RNF144A: variants seen among roughly 807,000 people sequenced by gnomAD.
RNF144A encodes the protein E3 ubiquitin-protein ligase RNF144A.
Under a neutral mutation model 38.7 loss-of-function variants are expected in RNF144A, and 11 were observed. That is an observed-to-expected ratio of 0.28 (90% CI 0.18 to 0.47). RNF144A has a LOEUF of 0.47. Ranked by LOEUF, RNF144A falls within the 20% of genes least tolerant of loss-of-function variation. The pLI is 0.99. For synonymous variants in RNF144A, 149 were observed against 143.9 expected, an observed-to-expected ratio of 1.04 and a Z score of -0.25; for missense variants, 316 against 377.2, an observed-to-expected ratio of 0.84 and a Z score of 1.34.
intron 7 of RNF144A, among the ~76,000 whole-genome samples, chr2:7,029,350 T>C (rs149590173): frequency 1.3e-5 from 2 of 152,290 alleles, no homozygotes; most frequent in Non-Finnish European, 2.9e-5. Context: ...GTCATTGAGA[T>C]CTGGGTGCCA....
chr2:7,046,268 C>A (rs532561290), downstream of RNF144A, among the ~76,000 whole-genome samples: 1 of 152,328 alleles, frequency 6.6e-6, no homozygotes, highest in South Asian at 2.1e-4. Context: ...TTGCTGCCCA[C>A]GACCTGGTGT....
intron 2 of RNF144A, among the ~76,000 whole-genome samples, chr2:6,957,592 A>G (rs1366905428): frequency 6.6e-6 from 1 of 152,050 alleles, no homozygotes; most frequent in Non-Finnish European, 1.5e-5. Context: ...CGCATGGTTT[A>G]TCTCTATTTC....
intron 3 of RNF144A, among the ~76,000 whole-genome samples, chr2:7,012,620 C>T (rs541768100): frequency 1.3e-5 from 2 of 152,352 alleles, no homozygotes; most frequent in South Asian, 4.1e-4. Flanking sequence ...GTCCGCAGCG[C>T]CACTGCCACT....
chr2:7,068,294 C>T (rs946392399), downstream of RNF144A: 1 of 1,256,758 alleles, frequency 8.0e-7, no homozygotes, highest in Non-Finnish European at 1.1e-6. Context: ...TTGTTTATAA[C>T]ACATTTTAAA....
rs1275908522 is a variant in RNF144A at position 6,943,130 on chromosome 2, T to C, written c.-12+1983T>C. Among the ~76,000 whole-genome samples the C allele has an allele frequency of 6.6e-6, 1 of 151,880 alleles. No individual in the cohort carries two copies. The highest frequency in any genetic ancestry group is 2.4e-5 in the African/African-American group (1 of 41,298). On this transcript the variant is annotated intron_variant, in intron 2 of 8. Coordinates refer to ENST00000320892, the MANE Select transcript of RNF144A (RefSeq NM_014746.6). The surrounding 1 kb of genome is among the most constrained non-coding windows in gnomAD (Gnocchi z 4.3). ...GTATGTGCTGGAGATGTGATAGGAG[T>C]CTTTGGCCTCTGTTTGGTATTTCAA...
At chr2:6,939,722 T>C (rs888180336) in intron 1 of RNF144A, among the ~76,000 whole-genome samples, 1 of 152,204 alleles carries the variant, frequency 6.6e-6, no homozygotes, top group African/African-American at 2.4e-5. Context: ...TTTAGGTCTA[T>C]GATTCATTTG....
chr2:6,925,176 T>C (rs1019168013), intron 1 of RNF144A, among the ~76,000 whole-genome samples: 1 of 152,164 alleles, frequency 6.6e-6, no homozygotes, highest in African/African-American at 2.4e-5. Flanking sequence ...CATTTCCTTC[T>C]AACCACTTGG....
At chr2:6,931,920 A>T (rs1665230205) in intron 1 of RNF144A, among the ~76,000 whole-genome samples, 1 of 152,232 alleles carries the variant, frequency 6.6e-6, no homozygotes, top group East Asian at 1.9e-4. Flanking sequence ...TTCTTTATCA[A>T]GTAGATCGAG....
At chr2:6,952,717 C>A (rs1182609506) in intron 2 of RNF144A, among the ~76,000 whole-genome samples, 1 of 151,654 alleles carries the variant, frequency 6.6e-6, no homozygotes, top group South Asian at 2.1e-4. Flanking sequence ...TATACATATA[C>A]ACACACATAT....
At chr2:6,991,966 AG>A (rs1669415024) in intron 2 of RNF144A, among the ~76,000 whole-genome samples, 2 of 152,202 alleles carry the variant, frequency 1.3e-5, no homozygotes, top group South Asian at 4.1e-4. Context: ...TCAGACTTTG[AG>A]GGTCACACTT....
intron 6 of RNF144A, chr2:7,063,057 G>A (rs527693530): frequency 6.6e-6 from 1 of 152,346 alleles, no homozygotes; most frequent in South Asian, 2.1e-4. Context: ...CAACATTGCA[G>A]CTGGGGAGGA....
At chr2:7,050,360 C>G (rs756821106) in intron 6 of RNF144A, among the ~76,000 whole-genome samples, 3 of 152,216 alleles carry the variant, frequency 2.0e-5, no homozygotes, top group Non-Finnish European at 2.9e-5. Flanking sequence ...TTTGCTCCTC[C>G]TTCACCTTCT....
At chr2:6,964,236 C>T (rs1354656767) in intron 2 of RNF144A, among the ~76,000 whole-genome samples, 1 of 152,136 alleles carries the variant, frequency 6.6e-6, no homozygotes. Context: ...TCATCACTGG[C>T]CATCAGAGAA....
intron 2 of RNF144A, among the ~76,000 whole-genome samples, chr2:6,949,440 C>A (rs1666541273): frequency 1.4e-5 from 2 of 138,758 alleles, no homozygotes; most frequent in East Asian, 4.8e-4. Flanking sequence ...CAAGAAACTT[C>A]TGGTAGAATA....
downstream of RNF144A, among the ~76,000 whole-genome samples, chr2:7,048,593 A>C (rs1190524917): frequency 6.6e-6 from 1 of 152,210 alleles, no homozygotes; most frequent in Non-Finnish European, 1.5e-5. Context: ...GCCTCCCTGC[A>C]GAAAGGGTGT....
chr2:7,002,116 T>A (rs1572377357), intron 3 of RNF144A, among the ~76,000 whole-genome samples: 1 of 152,234 alleles, frequency 6.6e-6, no homozygotes, highest in Non-Finnish European at 1.5e-5. Flanking sequence ...TATTAGGAAA[T>A]AAGTGGCATT....
At chr2:7,050,195 G>T (rs1221655773) in intron 6 of RNF144A, among the ~76,000 whole-genome samples, 1 of 152,132 alleles carries the variant, frequency 6.6e-6, no homozygotes, top group African/African-American at 2.4e-5. Flanking sequence ...ATCCCCACAC[G>T]TCCAGGGTGG....
At chr2:7,008,429 C>T (rs10170175) in intron 3 of RNF144A, among the ~76,000 whole-genome samples, 11 of 152,314 alleles carry the variant, frequency 7.2e-5, no homozygotes, top group African/African-American at 1.4e-4. Context: ...GATTAAGAAC[C>T]GCAGGCCTGA....
chr2:6,995,037 C>T (rs906163519), intron 2 of RNF144A, among the ~76,000 whole-genome samples: 8 of 152,096 alleles, frequency 5.3e-5, no homozygotes, highest in African/African-American at 9.7e-5. Context: ...CTGGGCCAGA[C>T]GTGTCTTCTC....
Sources: allele counts gnomAD v4.1 joint callset (sites outside exome capture counted in the v4.1 genomes callset), GRCh38; gene constraint gnomAD v4.1.1; non-coding constraint Gnocchi (gnomAD v3.1); transcripts MANE v1.5; gene names NCBI Gene and HGNC (gene_info 2026-07-23, HGNC 2026-07-21).